PAQR5: variants seen among roughly 807,000 people sequenced by gnomAD.
The protein encoded by PAQR5 is progestin and adipoQ receptor family member 5.
PAQR5 carries 20 observed loss-of-function variants against 34.5 expected under a neutral mutation model. The observed-to-expected ratio is 0.58, with a 90% CI of 0.41 to 0.84. PAQR5 has a LOEUF of 0.84. PAQR5 is among the 40% of genes least tolerant of loss of function. The pLI, the probability that PAQR5 is intolerant of heterozygous loss-of-function variation, is 0.00. For synonymous variants in PAQR5, 131 were observed against 155.6 expected (o/e 0.84, Z 1.18); for missense variants, 378 against 412.7 (o/e 0.92, Z 0.73).
intron 1 of PAQR5, among the ~76,000 whole-genome samples, chr15:69,314,191 T>C (rs2053890486): frequency 6.6e-6 from 1 of 152,112 alleles, no homozygotes; most frequent in African/African-American, 2.4e-5. Flanking sequence ...TAATCATTTT[T>C]TACAAATTGT....
intron 5 of PAQR5, among the ~76,000 whole-genome samples, chr15:69,388,578 C>A (rs1326113814): frequency 2.0e-5 from 3 of 152,266 alleles, no homozygotes; most frequent in Admixed American, 6.5e-5. Flanking sequence ...CAGCAGGGAA[C>A]CCCCTCCCAG....
intron 6 of PAQR5, chr15:69,397,003 C>CCATG (rs2056455290): frequency 8.3e-6 from 3 of 359,400 alleles, no homozygotes; most frequent in South Asian, 6.3e-5. Flanking sequence ...CTACTTGAAC[C>CCATG]CAGGTCTCCT....
chr15:69,381,380 G>T (rs545304975), intron 4 of PAQR5, among the ~76,000 whole-genome samples: 1 of 152,276 alleles, frequency 6.6e-6, no homozygotes, highest in East Asian at 1.9e-4. Flanking sequence ...ATCTCACTCT[G>T]TCAGCATCTG....
rs1267839259 is a variant in PAQR5, at chr15:69,360,135, T to C, written c.51+4T>C. The C allele has an allele frequency of 6.2e-7, 1 of 1,608,926 alleles. No individual in the cohort carries two copies. The highest frequency in any genetic ancestry group is 1.3e-5 in the African/African-American group (1 of 74,916). On this transcript the variant is annotated splice_donor_region_variant and intron_variant, in intron 3 of 8. Transcript: ENST00000395407. ...TAGCATAGACCAGATACCCCAGGTA[T>C]GTGCTCTATTGATTATGATGGTTCA...
intron 6 of PAQR5, chr15:69,397,205 T>C (rs1292974888): frequency 3.3e-6 from 2 of 600,276 alleles, no homozygotes; most frequent in Non-Finnish European, 6.3e-6. Flanking sequence ...CAGCGCCTCC[T>C]TTCTGGCTTA....
At chr15:69,315,965 G>A (rs139531975) in intron 1 of PAQR5, among the ~76,000 whole-genome samples, 97 of 152,296 alleles carry the variant, frequency 6.4e-4, no homozygotes, top group African/African-American at 2.2e-3. Flanking sequence ...AGGTGGTCCT[G>A]GGCAGTGAAG....
chr15:69,348,680 A>G (rs1252211800), intron 2 of PAQR5, among the ~76,000 whole-genome samples: 1 of 152,090 alleles, frequency 6.6e-6, no homozygotes, highest in African/African-American at 2.4e-5. Flanking sequence ...GACTCCAGAG[A>G]TGGTAGGTTT....
intron 6 of PAQR5, among the ~76,000 whole-genome samples, chr15:69,395,190 G>A (rs976349846): frequency 6.6e-6 from 1 of 152,190 alleles, no homozygotes; most frequent in African/African-American, 2.4e-5. Context: ...TAAGAAGGCC[G>A]GTGAGGCAGA....
intron 1 of PAQR5, among the ~76,000 whole-genome samples, chr15:69,311,983 G>A (rs2053844042): frequency 1.3e-5 from 2 of 152,172 alleles, no homozygotes; most frequent in African/African-American, 4.8e-5. Context: ...GAGCATGAGT[G>A]GTTAAATAAG....
At chr15:69,321,280 A>G (rs12907455) in intron 1 of PAQR5, among the ~76,000 whole-genome samples, 144,054 of 152,340 alleles carry the variant, frequency 0.95, 68,358 homozygotes, top group Non-Finnish European at 0.99. Flanking sequence ...TTATTCTCTC[A>G]TTTTCAAAGC....
At chr15:69,353,684 G>T (rs948308646) in intron 2 of PAQR5, among the ~76,000 whole-genome samples, 2 of 152,166 alleles carry the variant, frequency 1.3e-5, no homozygotes, top group African/African-American at 4.8e-5. Context: ...ACAGGTGCAG[G>T]AATCAAAGGG....
At chr15:69,339,478 C>T (rs748144401) in intron 2 of PAQR5, among the ~76,000 whole-genome samples, 14 of 151,876 alleles carry the variant, frequency 9.2e-5, no homozygotes, top group Non-Finnish European at 1.3e-4. Context: ...TTTTTGGTTT[C>T]GTTTTTGTTT....
At chr15:69,355,457 GT>G in intron 2 of PAQR5, among the ~76,000 whole-genome samples, 1 of 144,986 alleles carries the variant, frequency 6.9e-6, no homozygotes, top group Non-Finnish European at 1.5e-5. Flanking sequence ...GTCTCACTCT[GT>G]TGCCCAGGCT....
At position 69,354,102 on chromosome 15, in the gene PAQR5, A is replaced by G. The variant is rs138383240; in HGVS notation, c.-115-5864A>G. 5.3e-5 allele frequency among the ~76,000 whole-genome samples: 8 copies of G among 152,336 alleles called. No individual in the cohort carries two copies. In the East Asian group the frequency reaches 1.3e-3, roughly 26 times the overall value. The stretch of plus-strand genomic sequence containing the variant: ...GTCAATGGGAAACTATGACAACCCA[A>G]TCTAGGCAGTACTAACAAATGGCCC... On this transcript the variant is annotated intron_variant, in intron 2 of 8. Transcript: ENST00000395407.
chr15:69,392,142 ATT>A (rs112633523), intron 6 of PAQR5: 22 of 167,032 alleles, frequency 1.3e-4, no homozygotes, highest in South Asian at 8.0e-4. Context: ...GTTTTATTTT[ATT>A]TTTTTTTGTT....
intron 1 of PAQR5, among the ~76,000 whole-genome samples, chr15:69,301,367 C>T (rs2053602041): frequency 1.3e-5 from 2 of 152,244 alleles, no homozygotes; most frequent in Admixed American, 6.5e-5. Flanking sequence ...AAGGAGAGGC[C>T]GAGGCTGGTG....
intron 1 of PAQR5, among the ~76,000 whole-genome samples, chr15:69,319,170 TATATATATATATATATATA>T (rs1566995784): frequency 0.28 from 37,551 of 134,920 alleles, 5,793 homozygotes; most frequent in African/African-American, 0.35. Flanking sequence ...TATATATATA[TATATATATATATATATATA>T]TATATATATA....
At chr15:69,325,664 C>T (rs1289506835) in intron 1 of PAQR5, among the ~76,000 whole-genome samples, 1 of 152,202 alleles carries the variant, frequency 6.6e-6, no homozygotes, top group South Asian at 2.1e-4. Flanking sequence ...ACTTCTGCTA[C>T]CAGCCCCAGG....
intron 3 of PAQR5, among the ~76,000 whole-genome samples, chr15:69,371,221 C>T (rs1199272796): frequency 6.6e-6 from 1 of 152,050 alleles, no homozygotes; most frequent in Admixed American, 6.6e-5. Flanking sequence ...TGAGGTAGAA[C>T]AGCTGGAATT....
Sources: allele counts gnomAD v4.1 joint callset (sites outside exome capture counted in the v4.1 genomes callset), GRCh38; gene constraint gnomAD v4.1.1; transcripts MANE v1.5; gene names NCBI Gene and HGNC (gene_info 2026-07-23, HGNC 2026-07-21).